The following SNTG1 variants were observed in gnomAD, a reference collection of about 807,000 sequenced individuals.
SNTG1 encodes the protein syntrophin gamma 1.
In SNTG1, 39 loss-of-function variants were observed where a neutral mutation model predicts 74.7. The ratio of observed to expected loss-of-function variants is 0.52; its 90% confidence interval spans 0.40 to 0.68. The LOEUF (loss-of-function observed/expected upper bound fraction) is 0.68, where lower values mean the gene tolerates loss of function less well. Ranked by LOEUF, SNTG1 falls within the 30% of genes least tolerant of loss-of-function variation. The pLI, the probability that SNTG1 is intolerant of heterozygous loss-of-function variation, is 0.00. For missense variants in SNTG1, 685 were observed against 609.5 expected, an observed-to-expected ratio of 1.12 and a Z score of -1.30; for synonymous variants, 254 against 217.1, an observed-to-expected ratio of 1.17 and a Z score of -1.49.
chr8:50,527,522 G>GTA (rs1388397270), intron 9 of SNTG1, among the ~76,000 whole-genome samples: 1 of 151,888 alleles, frequency 6.6e-6, no homozygotes, highest in Non-Finnish European at 1.5e-5. Context: ...TTTGATATAT[G>GTA]TATATATATG....
At chr8:50,608,063 CAG>C (rs148968397) in intron 13 of SNTG1, among the ~76,000 whole-genome samples, 90 of 151,602 alleles carry the variant, frequency 5.9e-4, no homozygotes, top group African/African-American at 2.1e-3. Flanking sequence ...TGTTTTTAGT[CAG>C]AGAACATATT....
At chr8:50,701,747 C>T (rs1481964149) in intron 15 of SNTG1, among the ~76,000 whole-genome samples, 21 of 22,852 alleles carry the variant, frequency 9.2e-4, no homozygotes, top group African/African-American at 2.0e-3. Flanking sequence ...TTTTTCTTCT[C>T]CTTCTTCTCC....
At chr8:50,079,828 C>T (rs1262339577) in intron 1 of SNTG1, among the ~76,000 whole-genome samples, 1 of 152,010 alleles carries the variant, frequency 6.6e-6, no homozygotes, top group Non-Finnish European at 1.5e-5. Flanking sequence ...GAATCCTTTT[C>T]CCATTGCTTG....
chr8:50,177,773 G>A (rs1220535464), intron 2 of SNTG1, among the ~76,000 whole-genome samples: 1 of 152,166 alleles, frequency 6.6e-6, no homozygotes, highest in Non-Finnish European at 1.5e-5. Context: ...GTGTTGCAGT[G>A]TTCTATGGGT....
intron 2 of SNTG1, among the ~76,000 whole-genome samples, chr8:50,324,447 A>G (rs527892960): frequency 2.0e-4 from 30 of 152,166 alleles, no homozygotes; most frequent in African/African-American, 6.7e-4. Flanking sequence ...TGTTCACATG[A>G]TTTTCGGTTC....
intron 8 of SNTG1, among the ~76,000 whole-genome samples, chr8:50,497,074 T>C (rs1350652934): frequency 6.6e-6 from 1 of 152,058 alleles, no homozygotes; most frequent in East Asian, 1.9e-4. Context: ...CTTAAAATTA[T>C]GATTACACAG....
intron 12 of SNTG1, among the ~76,000 whole-genome samples, chr8:50,558,272 C>T (rs2094467984): frequency 6.6e-6 from 1 of 152,186 alleles, no homozygotes; most frequent in South Asian, 2.1e-4. Flanking sequence ...GCCTTGGAGT[C>T]AGCTCAGGAA....
chr8:50,450,467 G>T, intron 6 of SNTG1, 89 bp from the exon 7 acceptor site: 1 of 1,366,232 alleles, frequency 7.3e-7, no homozygotes, highest in Non-Finnish European at 1.0e-6. Context: ...TTTTATATTT[G>T]TAAATTTTAC....
chr8:50,571,481 G>A (rs1299045756), intron 12 of SNTG1, among the ~76,000 whole-genome samples: 1 of 152,176 alleles, frequency 6.6e-6, no homozygotes, highest in Non-Finnish European at 1.5e-5. Flanking sequence ...GATGGCACAG[G>A]CCCCAGAGCC....
At chr8:50,187,276 G>T (rs1399303138) in intron 2 of SNTG1, among the ~76,000 whole-genome samples, 1 of 152,054 alleles carries the variant, frequency 6.6e-6, no homozygotes, top group African/African-American at 2.4e-5. Context: ...CTGCTACAAG[G>T]CTACAGCAAT....
At chr8:50,589,174 A>C (rs1318672850) in intron 12 of SNTG1, among the ~76,000 whole-genome samples, 1 of 152,162 alleles carries the variant, frequency 6.6e-6, no homozygotes, top group Non-Finnish European at 1.5e-5. Flanking sequence ...TATGTAATAA[A>C]CCATTCAAAG....
intron 15 of SNTG1, among the ~76,000 whole-genome samples, chr8:50,664,742 G>C (rs1309797885): frequency 6.6e-6 from 1 of 152,134 alleles, no homozygotes. Context: ...GTTCTTCCTA[G>C]TGAGAGGAAG....
chr8:50,227,079 T>C (rs982233463), intron 2 of SNTG1, among the ~76,000 whole-genome samples: 1 of 151,816 alleles, frequency 6.6e-6, no homozygotes, highest in African/African-American at 2.4e-5. Flanking sequence ...AAATCAATGA[T>C]TTTTTTTGTA....
intron 2 of SNTG1, among the ~76,000 whole-genome samples, chr8:50,258,710 G>T (rs1190885350): frequency 2.0e-5 from 3 of 152,032 alleles, no homozygotes; most frequent in Non-Finnish European, 2.9e-5. Context: ...AACTTGAAGA[G>T]ACAAGGATAG....
At chr8:50,433,924 T>C (rs2093272186) in intron 4 of SNTG1, among the ~76,000 whole-genome samples, 1 of 152,194 alleles carries the variant, frequency 6.6e-6, no homozygotes, top group Admixed American at 6.5e-5. Context: ...AGTTCTAGGG[T>C]ACATGTGCAC....
intron 1 of SNTG1, among the ~76,000 whole-genome samples, chr8:49,928,573 GCAA>G (rs1292048758): frequency 6.6e-6 from 1 of 152,042 alleles, no homozygotes; most frequent in African/African-American, 2.4e-5. Context: ...CTGCTGGTGT[GCAA>G]CAAATGTTGA....
At chr8:50,260,950 G>A (rs750736683) in intron 2 of SNTG1, among the ~76,000 whole-genome samples, 3 of 152,066 alleles carry the variant, frequency 2.0e-5, no homozygotes, top group Non-Finnish European at 4.4e-5. Context: ...ATACTAGAAA[G>A]AGAGAGAAAA....
At chr8:50,763,282 T>A (rs2095604204) in intron 18 of SNTG1, among the ~76,000 whole-genome samples, 1 of 151,886 alleles carries the variant, frequency 6.6e-6, no homozygotes, top group African/African-American at 2.4e-5. Flanking sequence ...TTCTTACACA[T>A]TGAACTGGAA....
intron 4 of SNTG1, among the ~76,000 whole-genome samples, chr8:50,414,087 A>T (rs550727185): frequency 7.9e-5 from 12 of 152,072 alleles, no homozygotes; most frequent in Non-Finnish European, 1.6e-4. Context: ...TCTGCTGCTG[A>T]TGCACTCACT....
Sources: allele counts gnomAD v4.1 joint callset (sites outside exome capture counted in the v4.1 genomes callset), GRCh38; gene constraint gnomAD v4.1.1; transcripts MANE v1.5; gene names NCBI Gene and HGNC (gene_info 2026-07-23, HGNC 2026-07-21).